Variants in OR51E2 observed in about 807,000 individuals in gnomAD.
The protein encoded by OR51E2 is olfactory receptor 51E2.
In OR51E2, 14 loss-of-function variants were observed where a neutral mutation model predicts 13.7. The observed-to-expected ratio is 1.02, with a 90% CI of 0.68 to 1.60. The LOEUF (loss-of-function observed/expected upper bound fraction) is 1.60, where lower values mean the gene tolerates loss of function less well. Among genes scored for constraint, OR51E2 ranks in the 40% most tolerant of loss-of-function variants. The pLI is 0.00. For missense variants in OR51E2, 483 were observed against 413.8 expected, an observed-to-expected ratio of 1.17 and a Z score of -1.45; for synonymous variants, 180 against 157.6, an observed-to-expected ratio of 1.14 and a Z score of -1.07.
Position 4,681,787 on chromosome 11 carries a change from T to C in OR51E2, c.925A>G (p.Ser309Gly). 1 of 1,614,222 alleles carries C rather than the reference T, an allele frequency of 6.2e-7. No individual in the cohort carries two copies. Among genetic ancestry groups the C allele is most frequent in the Non-Finnish European group, 8.5e-7 (1 of 1,180,026 alleles). Residue 309 changes from serine to glycine, a missense_variant, in exon 2 of 2, where the codon AGC becomes GGC. Ser to Gly is a moderately conservative substitution (Grantham distance 56, BLOSUM62 0). Coordinates refer to ENST00000396950, the MANE Select transcript of OR51E2 (RefSeq NM_030774.4). ...RTRVLAMFKISCDKDLQAVGG... is the reference protein window; with the variant it reads ...RTRVLAMFKIGCDKDLQAVGG... The stretch of plus-strand genomic sequence containing the variant: ...ACAGCCTGCAAGTCCTTGTCACAGC[T>C]GATCTTGAACATAGCCAGCACCCGT...
chr11:4,691,587 G>A (rs1847580686), intron 1 of OR51E2: 1 of 456,522 alleles, frequency 2.2e-6, no homozygotes, highest in South Asian at 1.6e-5. Context: ...CAAGAGAGCA[G>A]TTACAGAGAG....
intron 1 of OR51E2, chr11:4,690,865 T>C: frequency 2.2e-6 from 1 of 456,558 alleles, no homozygotes; most frequent in Non-Finnish European, 4.4e-6. Context: ...AGGTAGGTGT[T>C]AGCAATCATA....
chr11:4,685,329 T>C (rs1847503063), intron 1 of OR51E2, among the ~76,000 whole-genome samples: 7 of 152,060 alleles, frequency 4.6e-5, no homozygotes, highest in Admixed American at 4.6e-4. Context: ...TATACAGGGC[T>C]CTCGACAATC....
chr11:4,682,772 A>G lies in OR51E2; in HGVS notation c.-50-11T>C. The G allele has an allele frequency of 6.4e-7, 1 of 1,551,768 alleles. No individual in the cohort carries two copies. The highest frequency in any genetic ancestry group is 1.8e-5 in the Admixed American group (1 of 54,712). ...GGTCACACTGGCAGTCTGCAGGGAC[A>G]TAGAGCACAATCAGAGAATGCCCTG... is the stretch of plus-strand genomic sequence containing the variant. On this transcript the variant is annotated splice_polypyrimidine_tract_variant and intron_variant, in intron 1 of 1. Coordinates refer to ENST00000396950, the MANE Select transcript of OR51E2 (RefSeq NM_030774.4).
rs7939559 is a variant in OR51E2 at position 4,682,190 on chromosome 11, C to A, written c.522G>T (p.Ser174=). 2 of 1,614,022 alleles carry A rather than the reference C, an allele frequency of 1.2e-6. No individual in the cohort carries two copies. Among genetic ancestry groups the A allele is most frequent in the African/African-American group, 1.3e-5 (1 of 74,940 alleles). The change falls in exon 2 of 2, where the codon TCG becomes TCT. Residue 174 remains serine, a synonymous_variant. Transcript: ENST00000396950. The stretch of plus-strand genomic sequence containing the variant: ...CATCCTGGTGGACACAATAGGAGTG[C>A]GAGAGGACATTGGAGTGGCAGAAGG... ...RLAFCHSNVL[S]HSYCVHQDVM... is the part of the protein sequence containing the mutation.
At chr11:4,690,006 A>G (rs2133249642) in intron 1 of OR51E2, among the ~76,000 whole-genome samples, 1 of 147,904 alleles carries the variant, frequency 6.8e-6, no homozygotes, top group South Asian at 2.1e-4. Flanking sequence ...ATATAAGTAC[A>G]TAATTTATAA....
chr11:4,682,195 G>A lies in OR51E2; in HGVS notation c.517C>T (p.Leu173Phe), dbSNP rs1411163961. 1.1e-5 allele frequency: 17 copies of A among 1,614,114 alleles called. No individual in the cohort carries two copies. Among genetic ancestry groups the A allele is most frequent in the Non-Finnish European group, 1.4e-5 (16 of 1,180,056 alleles). ...TGGTGGACACAATAGGAGTGCGAGA[G>A]GACATTGGAGTGGCAGAAGGCCAGC... ...KRLAFCHSNV[L>F]SHSYCVHQDV... Residue 173 changes from leucine to phenylalanine, a missense_variant, in exon 2 of 2, where the codon CTC (leucine) becomes TTC (phenylalanine). Transcript: ENST00000396950.
At chr11:4,692,286 A>G (rs1371793292) in intron 1 of OR51E2, 5 of 334,718 alleles carry the variant, frequency 1.5e-5, no homozygotes, top group South Asian at 2.5e-5. Flanking sequence ...GCATCTAACC[A>G]TTAAAGAAAC....
At chr11:4,682,922 A>G (rs1847474661) in intron 1 of OR51E2, among the ~76,000 whole-genome samples, 161 bp from the exon 2 acceptor site, 2 of 151,886 alleles carry the variant, frequency 1.3e-5, no homozygotes, top group Admixed American at 1.3e-4. Context: ...ATGCATCACT[A>G]CTCTCAAGGT....
rs1180108221 is a variant in OR51E2, at chr11:4,684,177, C to T, written c.-50-1416G>A. 3.3e-5 allele frequency among the ~76,000 whole-genome samples: 5 copies of T among 152,142 alleles called. 1 individual carries two copies. Among genetic ancestry groups the T allele is most frequent in the Non-Finnish European group, 1.5e-5 (1 of 68,022 alleles). ...ATTTGGGGTTTGAAGGTTACAAAAC[C>T]CATACTTCTGCCTGTATTTTCTCTT... On this transcript the variant is annotated intron_variant, in intron 1 of 1. Coordinates refer to ENST00000396950, the MANE Select transcript of OR51E2 (RefSeq NM_030774.4).
rs1227891176 is a variant in OR51E2, at chr11:4,681,769, G to C, written c.943C>G (p.Gln315Glu). 1 of 1,614,100 alleles carries C rather than the reference G, an allele frequency of 6.2e-7. No homozygotes were observed. Among genetic ancestry groups the C allele is most frequent in the South Asian group, 1.1e-5 (1 of 91,082 alleles). The change falls in exon 2 of 2, where the codon CAG (glutamine) becomes GAG (glutamate). Residue 315 changes from glutamine (Q) to glutamate (E), a missense_variant. Physicochemically the swap from Gln to Glu is conservative, Grantham distance 29. Transcript: ENST00000396950. ...MFKISCDKDL[Q>E]AVGGK ...AAGGGTCACTTGCCTCCCACAGCCT[G>C]CAAGTCCTTGTCACAGCTGATCTTG...
At chr11:4,695,737 T>G (rs1847647692) in intron 1 of OR51E2, among the ~76,000 whole-genome samples, 1 of 151,890 alleles carries the variant, frequency 6.6e-6, no homozygotes, top group Admixed American at 6.6e-5. Flanking sequence ...TCCTTGAAAC[T>G]TTCTCCTTCA....
chr11:4,693,440 G>C (rs919326832), intron 1 of OR51E2, among the ~76,000 whole-genome samples: 6 of 152,180 alleles, frequency 3.9e-5, no homozygotes, highest in African/African-American at 1.4e-4. Context: ...GTGTTGAGCA[G>C]GCTGGGCGCG....
chr11:4,684,220 G>A (rs551141297), intron 1 of OR51E2, among the ~76,000 whole-genome samples: 7 of 152,278 alleles, frequency 4.6e-5, no homozygotes, highest in African/African-American at 1.4e-4. Context: ...TTCAGAACTT[G>A]TGCAGACAAA....
chr11:4,691,460 G>T, intron 1 of OR51E2: 1 of 456,726 alleles, frequency 2.2e-6, no homozygotes, highest in South Asian at 1.6e-5. Context: ...TCAGCATGGT[G>T]ACCAGAGTGG....
At chr11:4,696,023 C>T (rs553170652) in intron 1 of OR51E2, among the ~76,000 whole-genome samples, 17 of 152,190 alleles carry the variant, frequency 1.1e-4, no homozygotes, top group African/African-American at 4.1e-4. Context: ...GAATCTTTAA[C>T]GCTGTGGCAA....
At chr11:4,686,557 G>A (rs1236756004) in intron 1 of OR51E2, among the ~76,000 whole-genome samples, 2 of 152,204 alleles carry the variant, frequency 1.3e-5, no homozygotes, top group African/African-American at 2.4e-5. Flanking sequence ...ATTTGAGGAG[G>A]ACGAAGTGGA....
intron 1 of OR51E2, chr11:4,690,986 G>A: frequency 2.2e-6 from 1 of 454,748 alleles, no homozygotes; most frequent in Non-Finnish European, 4.4e-6. Context: ...ATGTACTGAA[G>A]GTTTCCTTCC....
In OR51E2 at chr11:4,683,838, C is replaced by G. The variant is rs75222775; in HGVS notation, c.-50-1077G>C. 1.8e-3 allele frequency among the ~76,000 whole-genome samples: 267 copies of G among 152,330 alleles called. 1 individual carries two copies. Among genetic ancestry groups the G allele is most frequent in the African/African-American group, 5.9e-3 (244 of 41,580 alleles). ...TTCTCTGCTAGGTTGCCTAGGTGCC[C>G]TGGTCTTTAGAGCTAATTTTCTCTA... On this transcript the variant is annotated intron_variant, in intron 1 of 1. Transcript: ENST00000396950.
Sources: gnomAD v4.1 joint callset for allele counts (sites outside exome capture counted in the v4.1 genomes callset) on GRCh38, gnomAD v4.1.1 for gene constraint, MANE v1.5 for transcripts, NCBI Gene and HGNC (gene_info 2026-07-23, HGNC 2026-07-21) for gene names.